SIPA1L2: variants seen among roughly 807,000 people sequenced by gnomAD.
SIPA1L2 encodes signal induced proliferation associated 1 like 2.
SIPA1L2 carries 56 observed loss-of-function variants against 163.9 expected under a neutral mutation model. The observed-to-expected ratio is 0.34, with a 90% CI of 0.28 to 0.43. The LOEUF is 0.43. Among genes scored for constraint, SIPA1L2 ranks in the 20% least tolerant of loss-of-function variants. SIPA1L2 has a pLI of 1.00. For synonymous variants in SIPA1L2, 877 were observed against 865.7 expected (o/e 1.01, Z -0.23); for missense variants, 1,974 against 2,193.5 (o/e 0.90, Z 2.00).
At chr1:232,496,475 A>ACTAT (rs1489846242) in intron 3 of SIPA1L2, among the ~76,000 whole-genome samples, 1 of 152,094 alleles carries the variant, frequency 6.6e-6, no homozygotes, top group Non-Finnish European at 1.5e-5. Flanking sequence ...GGCTAAGGTA[A>ACTAT]CTATTACAAA....
chr1:232,405,682 T>C (rs1487820240), intron 19 of SIPA1L2, among the ~76,000 whole-genome samples: 1 of 152,226 alleles, frequency 6.6e-6, no homozygotes, highest in Non-Finnish European at 1.5e-5. Flanking sequence ...ATAGTGACTT[T>C]ACTGACCAGA....
At chr1:232,407,143 CTTTA>C (rs1660683670) in intron 19 of SIPA1L2, among the ~76,000 whole-genome samples, 1 of 152,164 alleles carries the variant, frequency 6.6e-6, no homozygotes, top group Non-Finnish European at 1.5e-5. Context: ...TGAAATTATT[CTTTA>C]TTTAAGAAAC....
chr1:232,403,505 T>G lies in SIPA1L2; in HGVS notation c.4883A>C (p.Gln1628Pro). The change falls in exon 21 of 23, where the codon CAA becomes CCA. Residue 1628 changes from glutamine to proline, a missense_variant. Coordinates refer to ENST00000674635, the MANE Select transcript of SIPA1L2 (RefSeq NM_020808.5). ...MQHGQDLEGA[Q>P]ELPLCVDPGS... ...TGGATCTACACATAAGGGCAGCTCT[T>G]GGGCCCCTTCCAGGTCCTGCCCATG... 5 of 1,614,174 alleles carry G rather than the reference T, an allele frequency of 3.1e-6. No individual in the cohort carries two copies. The highest frequency in any genetic ancestry group is 4.2e-6 in the Non-Finnish European group (5 of 1,180,022).
chr1:232,401,585 T>C (rs1660344398), intron 22 of SIPA1L2, among the ~76,000 whole-genome samples: 1 of 152,186 alleles, frequency 6.6e-6, no homozygotes, highest in South Asian at 2.1e-4. Flanking sequence ...AACACACACA[T>C]GTGCACACAT....
At chr1:232,506,498 AATGG>A (rs1374004183) in intron 3 of SIPA1L2, among the ~76,000 whole-genome samples, 7 of 152,186 alleles carry the variant, frequency 4.6e-5, no homozygotes, top group Admixed American at 4.6e-4. Flanking sequence ...CTATAATTAA[AATGG>A]ATGGACACTT....
In SIPA1L2 at chr1:232,485,281, C is replaced by T. The variant is rs140758597; in HGVS notation, c.1807-1315G>A. On this transcript the variant is annotated intron_variant, in intron 5 of 22. Transcript: ENST00000674635. Reference sequence around the variant, plus strand: ...GCATTGCAGTTCATGGGCCTTGGGACCCTGTCAAGGCCAGGAGATCCCCAA... The same window carrying T: ...GCATTGCAGTTCATGGGCCTTGGGATCCTGTCAAGGCCAGGAGATCCCCAA... Among the ~76,000 whole-genome samples the T allele has an allele frequency of 3.6e-4, 55 of 152,304 alleles. 1 individual carries two copies. The highest frequency in any genetic ancestry group is 1.2e-3 in the African/African-American group (50 of 41,574).
rs370117910 is a variant in SIPA1L2, at chr1:232,402,403, C to T, written c.5011G>A (p.Asp1671Asn). The change falls in exon 22 of 23, where the codon GAC (aspartate) becomes AAC (asparagine). Residue 1671 changes from aspartate (D) to asparagine (N), a missense_variant. Physicochemically the swap from Asp to Asn is conservative, Grantham distance 23 (BLOSUM62 1). Transcript: ENST00000674635. Reference protein sequence around the residue: ...LELILRQLQTDLRKEKQDKAV... With the variant: ...LELILRQLQTNLRKEKQDKAV... ...TTCCAATTGATTACCTTCCGAAGGT[C>T]GGTCTGGAGTTGTCGAAGAATTAAT... 30 of 1,613,128 alleles carry T rather than the reference C, an allele frequency of 1.9e-5. No individual in the cohort carries two copies. Among genetic ancestry groups the T allele is most frequent in the Middle Eastern group, 1.6e-4 (1 of 6,078 alleles).
intron 3 of SIPA1L2, among the ~76,000 whole-genome samples, chr1:232,507,472 G>GC (rs1447588307): frequency 1.3e-5 from 2 of 152,194 alleles, no homozygotes; most frequent in Non-Finnish European, 2.9e-5. Flanking sequence ...GATACCTTTT[G>GC]CAAGTGAGTC....
rs529334800 is a variant in SIPA1L2 at position 232,418,566 on chromosome 1, T to C, written c.4631-2941A>G. ...ACCAGCTCTGAAGGTCTCTGCCTGC[T>C]ACCCCCTACGCAATGCATGCAGAGA... On this transcript the variant is annotated intron_variant, in intron 18 of 22. Coordinates refer to ENST00000674635, the MANE Select transcript of SIPA1L2 (RefSeq NM_020808.5). Among the ~76,000 whole-genome samples the C allele has an allele frequency of 7.9e-5, 12 of 152,324 alleles. No homozygotes were observed. The South Asian group carries it at 2.5e-3, about 32-fold the overall frequency.
At chr1:232,542,963 A>T (rs1657783233) in intron 2 of SIPA1L2, among the ~76,000 whole-genome samples, 1 of 152,174 alleles carries the variant, frequency 6.6e-6, no homozygotes, top group Non-Finnish European at 1.5e-5. Context: ...CCACCTACTA[A>T]TTCCCTCAGA....
At chr1:232,433,526 CAT>C (rs1284958894) in intron 15 of SIPA1L2, among the ~76,000 whole-genome samples, 1 of 152,060 alleles carries the variant, frequency 6.6e-6, no homozygotes, top group Non-Finnish European at 1.5e-5. Flanking sequence ...GCTGCATTAT[CAT>C]ATGATACAAC....
intron 2 of SIPA1L2, among the ~76,000 whole-genome samples, chr1:232,540,177 A>T (rs1657562307): frequency 6.6e-6 from 1 of 151,960 alleles, no homozygotes; most frequent in Admixed American, 6.6e-5. Context: ...GGTGGTGGGC[A>T]CCTGTAATCC....
chr1:232,448,403 T>C (rs909112366), intron 10 of SIPA1L2, among the ~76,000 whole-genome samples: 4 of 152,220 alleles, frequency 2.6e-5, no homozygotes, highest in African/African-American at 9.6e-5. Context: ...CTTCCTAATA[T>C]TTGCCCTTTG....
In SIPA1L2 at chr1:232,514,131, G is replaced by A. The variant is rs143013457; in HGVS notation, c.1209C>T (p.Asn403=). 26,289 of 1,614,180 alleles carry A rather than the reference G, an allele frequency of 0.016. 257 individuals are homozygous for A. Among genetic ancestry groups the A allele is most frequent in the Non-Finnish European group, 0.019 (22,793 of 1,180,026 alleles). ...AGTAAGGACAACTAAGGACGAGGTC[G>A]TTACTTTTCCCATCACCCTCATCGG... ...LDADEGDGKS[N]DLVLSCPYFR... is the part of the protein sequence containing the mutation. Residue 403 remains asparagine, a synonymous_variant, in exon 3 of 23, where the codon AAC becomes AAT. Transcript: ENST00000674635.
intron 19 of SIPA1L2, among the ~76,000 whole-genome samples, chr1:232,414,773 G>A (rs1054315747): frequency 2.6e-5 from 4 of 152,178 alleles, no homozygotes; most frequent in East Asian, 3.9e-4. Context: ...CATAAGTCAC[G>A]ATCCCGAGGG....
intron 9 of SIPA1L2, chr1:232,462,129 A>G: frequency 8.9e-7 from 1 of 1,129,280 alleles, no homozygotes; most frequent in Non-Finnish European, 1.3e-6. Flanking sequence ...TGAAAGAAGA[A>G]TGGTGGATTG....
intron 2 of SIPA1L2, among the ~76,000 whole-genome samples, chr1:232,548,994 T>G (rs1658221887): frequency 6.6e-6 from 1 of 152,208 alleles, no homozygotes; most frequent in Non-Finnish European, 1.5e-5. Flanking sequence ...GCCAGAGGCT[T>G]GAATAACACT....
At chr1:232,525,441 A>G (rs2103070068) in intron 2 of SIPA1L2, among the ~76,000 whole-genome samples, 1 of 143,648 alleles carries the variant, frequency 7.0e-6, no homozygotes, top group Admixed American at 7.1e-5. Flanking sequence ...TTTCTAGTAG[A>G]GACGGGGTTT....
At chr1:232,466,008 TAA>T (rs1664493497) in intron 8 of SIPA1L2, among the ~76,000 whole-genome samples, 1 of 151,732 alleles carries the variant, frequency 6.6e-6, no homozygotes, top group Non-Finnish European at 1.5e-5. Flanking sequence ...TCTGAGAAAA[TAA>T]AAGTCTGCCG....
Sources: allele counts gnomAD v4.1 joint callset (sites outside exome capture counted in the v4.1 genomes callset), GRCh38; gene constraint gnomAD v4.1.1; transcripts MANE v1.5; gene names NCBI Gene and HGNC (gene_info 2026-07-23, HGNC 2026-07-21).